AP4S1: variants seen among roughly 807,000 people sequenced by gnomAD.
The protein encoded by AP4S1 is AP-4 complex subunit sigma-1.
AP4S1 carries 23 observed loss-of-function variants against 19.8 expected under a neutral mutation model. The ratio of observed to expected loss-of-function variants is 1.16; its 90% confidence interval spans 0.84 to 1.65. The LOEUF (loss-of-function observed/expected upper bound fraction) is 1.65. Among genes scored for constraint, AP4S1 ranks in the 40% most tolerant of loss-of-function variants. The pLI, the probability that AP4S1 is intolerant of heterozygous loss-of-function variation, is 0.00. For missense variants in AP4S1, 166 were observed against 172.8 expected, an observed-to-expected ratio of 0.96 and a Z score of 0.22; for synonymous variants, 46 against 54.1, an observed-to-expected ratio of 0.85 and a Z score of 0.66.
At chr14:31,073,256 T>G (rs185410290) in intron 4 of AP4S1, 9 of 350,834 alleles carry the variant, frequency 2.6e-5, no homozygotes, top group Admixed American at 1.2e-4. Context: ...TTTGGGAGGC[T>G]AAGGTGGGCA....
rs1884024513 is a variant in AP4S1 at position 31,026,918 on chromosome 14, C to A, written c.-72+1131C>A. ...GGGCCCTCTTTCCCTTCCTGTCACTCGCTCTGCCTCTGGTTTCTTAGAACC... is the reference window on the plus strand; with the variant it reads ...GGGCCCTCTTTCCCTTCCTGTCACTAGCTCTGCCTCTGGTTTCTTAGAACC... On this transcript the variant is annotated intron_variant, in intron 1 of 5. Coordinates refer to ENST00000542754, the MANE Select transcript of AP4S1 (RefSeq NM_001128126.3). 2.6e-5 allele frequency: 4 copies of A among 152,446 alleles called. No individual in the cohort carries two copies. The South Asian group carries it at 8.3e-4, about 32-fold the overall frequency. The allele number at this position is 152,446 out of a possible 1,614,324, so 9.4% of individuals were successfully genotyped here.
intron 1 of AP4S1, among the ~76,000 whole-genome samples, chr14:31,052,544 G>A (rs12881677): frequency 0.15 from 22,304 of 151,660 alleles, 1,803 homozygotes; most frequent in African/African-American, 0.16. Flanking sequence ...GGCCAACATG[G>A]TGAAACCCCT....
At chr14:31,045,849 C>G (rs943494392) in intron 1 of AP4S1, among the ~76,000 whole-genome samples, 3 of 152,006 alleles carry the variant, frequency 2.0e-5, no homozygotes, top group Non-Finnish European at 4.4e-5. Context: ...AGAGTGAGTC[C>G]GTAGATAGCC....
chr14:31,066,160 G>T lies in AP4S1; in HGVS notation c.-37G>T. On this transcript the variant is annotated 5_prime_UTR_variant, in exon 2 of 6. Transcript: ENST00000542754. ...ACAGCCATCCCTTGTCATAACTTTT[G>T]AACTGTATTTGGAAAAATACTGGCC... 2 of 1,609,924 alleles carry T rather than the reference G, an allele frequency of 1.2e-6. No individual in the cohort carries two copies. Among genetic ancestry groups the T allele is most frequent in the South Asian group, 2.2e-5 (2 of 90,848 alleles).
At chr14:31,036,742 G>A (rs1884797570) in intron 1 of AP4S1, among the ~76,000 whole-genome samples, 1 of 152,124 alleles carries the variant, frequency 6.6e-6, no homozygotes, top group Admixed American at 6.5e-5. Flanking sequence ...CTCACTTCTA[G>A]TGGGGCTCCT....
intron 1 of AP4S1, among the ~76,000 whole-genome samples, chr14:31,038,134 A>G (rs1884885434): frequency 6.6e-6 from 1 of 152,184 alleles, no homozygotes; most frequent in Non-Finnish European, 1.5e-5. Context: ...GTTCAGATAC[A>G]CTTCTGTAAA....
At chr14:31,092,846 A>G (rs1888110986) in intron 5 of AP4S1, 61 bp from the exon 6 acceptor site, 7 of 1,337,656 alleles carry the variant, frequency 5.2e-6, no homozygotes, top group Non-Finnish European at 7.1e-6. Context: ...GTTAAGCCAT[A>G]AATTTTTACT....
At chr14:31,028,183 A>AT (rs56698419) in intron 1 of AP4S1, among the ~76,000 whole-genome samples, 27 of 147,948 alleles carry the variant, frequency 1.8e-4, no homozygotes, top group East Asian at 6.0e-4. Context: ...TATTTTATTT[A>AT]TTTTTTTTTT....
chr14:31,089,735 G>A (rs1888025931), intron 5 of AP4S1, among the ~76,000 whole-genome samples: 1 of 152,190 alleles, frequency 6.6e-6, no homozygotes, highest in African/African-American at 2.4e-5. Context: ...TGGCCAACAT[G>A]GCAAAACCTC....
intron 1 of AP4S1, among the ~76,000 whole-genome samples, chr14:31,035,638 CTTT>C (rs59967096): frequency 6.7e-5 from 9 of 133,520 alleles, no homozygotes; most frequent in Non-Finnish European, 8.1e-5. Context: ...GTTTTTAGGT[CTTT>C]TTTTTTTTTT....
intron 1 of AP4S1, among the ~76,000 whole-genome samples, chr14:31,039,614 C>T (rs1162188909): frequency 6.7e-6 from 1 of 150,310 alleles, no homozygotes; most frequent in Non-Finnish European, 1.5e-5. Context: ...GCTCTGTCGC[C>T]CAGGCTGGAG....
At chr14:31,039,335 G>A (rs1431293396) in intron 1 of AP4S1, among the ~76,000 whole-genome samples, 10 of 151,932 alleles carry the variant, frequency 6.6e-5, no homozygotes, top group South Asian at 4.2e-4. Flanking sequence ...ACAGGTGTGA[G>A]CCACCATGCC....
chr14:31,026,068 C>T, intron 1 of AP4S1: 2 of 1,520,548 alleles, frequency 1.3e-6, no homozygotes, highest in Non-Finnish European at 1.8e-6. Flanking sequence ...GGACCCCCGC[C>T]GCCCGCCGCT....
intron 5 of AP4S1, among the ~76,000 whole-genome samples, chr14:31,081,342 A>G (rs1887627849): frequency 6.6e-6 from 1 of 152,180 alleles, no homozygotes; most frequent in African/African-American, 2.4e-5. Context: ...GGTTAAAGAA[A>G]TTGCCTGGCT....
chr14:31,062,987 C>T (rs1886522991), intron 1 of AP4S1, among the ~76,000 whole-genome samples: 1 of 150,126 alleles, frequency 6.7e-6, no homozygotes. Flanking sequence ...AAAAAAATCA[C>T]TAGGAATTTA....
intron 4 of AP4S1, among the ~76,000 whole-genome samples, chr14:31,078,964 G>A (rs1036793096): frequency 5.9e-5 from 9 of 152,108 alleles, no homozygotes; most frequent in Non-Finnish European, 1.0e-4. Flanking sequence ...TCTTTCTGTG[G>A]CTATTTTTAA....
chr14:31,073,212 A>T (rs111925674), intron 4 of AP4S1: 9 of 441,598 alleles, frequency 2.0e-5, no homozygotes, highest in Non-Finnish European at 3.7e-5. Context: ...CTCTTATAGC[A>T]GGGCGCGATG....
chr14:31,036,188 AAAT>A (rs1239329301), intron 1 of AP4S1, among the ~76,000 whole-genome samples: 1 of 144,182 alleles, frequency 6.9e-6, no homozygotes, highest in Non-Finnish European at 1.5e-5. Context: ...AAAAAGAAAA[AAAT>A]AATAATTTAA....
Position 31,045,964 on chromosome 14 carries a change from A to ATT in AP4S1, c.-71-20144_-71-20143dup, listed in dbSNP as rs34459906. On this transcript the variant is annotated intron_variant, in intron 1 of 5. Coordinates refer to ENST00000542754, the MANE Select transcript of AP4S1 (RefSeq NM_001128126.3). ...CCAGGAAAGGGAAAGAAGGAGCTAG[A>ATT]TTTTTTTTTTTTTTTTTTTGAGACG... Among the ~76,000 whole-genome samples, 134 of 130,558 alleles carry ATT rather than the reference A, an allele frequency of 1.0e-3. No homozygotes were observed. In the Middle Eastern group the frequency reaches 0.016, roughly 15 times the overall value. 85.7% of individuals were successfully genotyped at this position (130,558 alleles called of 152,430 possible).
Sources: allele counts gnomAD v4.1 joint callset (sites outside exome capture counted in the v4.1 genomes callset), GRCh38; gene constraint gnomAD v4.1.1; transcripts MANE v1.5; gene names NCBI Gene and HGNC (gene_info 2026-07-23, HGNC 2026-07-21).